ARHGAP28: variants seen among roughly 807,000 people sequenced by gnomAD.
The protein encoded by ARHGAP28 is Rho GTPase activating protein 28.
ARHGAP28 carries 56 observed loss-of-function variants against 90.7 expected under a neutral mutation model. That is an observed-to-expected ratio of 0.62 (90% confidence interval 0.50 to 0.77). The LOEUF is 0.77. ARHGAP28 is among the 30% of genes least tolerant of loss of function. The pLI, the probability that ARHGAP28 is intolerant of heterozygous loss-of-function variation, is 0.00. For missense variants in ARHGAP28, 869 were observed against 900.9 expected (o/e 0.96, Z 0.45); for synonymous variants, 308 against 323.3 (o/e 0.95, Z 0.51).
intron 15 of ARHGAP28, among the ~76,000 whole-genome samples, chr18:6,895,270 C>T (rs952334865): frequency 6.6e-6 from 1 of 150,814 alleles, no homozygotes; most frequent in Non-Finnish European, 1.5e-5. Context: ...GGACTTGGCT[C>T]CCACCCAGAT....
At chr18:6,764,963 T>TAA (rs912978493) in intron 1 of ARHGAP28, among the ~76,000 whole-genome samples, 4 of 152,134 alleles carry the variant, frequency 2.6e-5, no homozygotes, top group Non-Finnish European at 4.4e-5. Context: ...ACAGAGGACT[T>TAA]ACACTGGAAA....
At chr18:6,910,773 G>T (rs1391259630) in intron 17 of ARHGAP28, among the ~76,000 whole-genome samples, 3 of 151,962 alleles carry the variant, frequency 2.0e-5, no homozygotes, top group African/African-American at 7.3e-5. Context: ...ATTAATATGT[G>T]GTAAGTGAAT....
chr18:6,870,866 T>C, intron 7 of ARHGAP28, 134 bp downstream of exon 7: 2 of 906,334 alleles, frequency 2.2e-6, no homozygotes, highest in South Asian at 1.8e-5. Context: ...AGTGGCGCGA[T>C]CTCGGCTCAC....
intron 16 of ARHGAP28, among the ~76,000 whole-genome samples, chr18:6,906,331 A>G (rs1398703476): frequency 6.6e-6 from 1 of 152,224 alleles, no homozygotes; most frequent in Non-Finnish European, 1.5e-5. Context: ...GGACAGTTCA[A>G]TAGCACTAAA....
chr18:6,820,714 C>A (rs1019237269), intron 1 of ARHGAP28, among the ~76,000 whole-genome samples: 1 of 152,172 alleles, frequency 6.6e-6, no homozygotes, highest in Non-Finnish European at 1.5e-5. Context: ...ATAGACTCAA[C>A]AAGACAATGG....
intron 1 of ARHGAP28, among the ~76,000 whole-genome samples, chr18:6,797,766 A>T (rs2056452026): frequency 6.6e-6 from 1 of 151,514 alleles, no homozygotes; most frequent in Admixed American, 6.6e-5. Context: ...GGTTCAAGTG[A>T]TTCTCCTGCT....
chr18:6,817,131 T>C (rs1483434709), intron 1 of ARHGAP28, among the ~76,000 whole-genome samples: 2 of 146,170 alleles, frequency 1.4e-5, no homozygotes, highest in South Asian at 2.2e-4. Context: ...CTGGCCAACA[T>C]GGTGAAACCC....
intron 1 of ARHGAP28, among the ~76,000 whole-genome samples, chr18:6,802,087 T>G (rs1182903983): frequency 6.6e-6 from 1 of 152,186 alleles, no homozygotes; most frequent in African/African-American, 2.4e-5. Context: ...AATGACCAGC[T>G]TTCTTTCTTT....
In ARHGAP28 at chr18:6,805,479, CTTTTTTTTTTTTTTT is replaced by C. The variant is rs756550297; in HGVS notation, c.123-19274_123-19260del. Among the ~76,000 whole-genome samples the C allele has an allele frequency of 9.2e-5, 9 of 97,574 alleles. 1 individual carries two copies. Among genetic ancestry groups the C allele is most frequent in the African/African-American group, 4.0e-4 (9 of 22,752 alleles). The allele number at this position is 97,574 out of a possible 152,430, so 64.0% of individuals were successfully genotyped here. ...TTTAATCTGGTCTGATAACCTTTGC[CTTTTTTTTTTTTTTT>C]TTTTTTTTGAAACGGAATTTCACTC... On this transcript the variant is annotated intron_variant, in intron 1 of 17. Transcript: ENST00000383472.
chr18:6,800,099 C>T (rs1484838974), intron 1 of ARHGAP28, among the ~76,000 whole-genome samples: 1 of 152,058 alleles, frequency 6.6e-6, no homozygotes, highest in Admixed American at 6.6e-5. Flanking sequence ...GGCCAACAAA[C>T]ATGAAAAAAA....
intron 11 of ARHGAP28, among the ~76,000 whole-genome samples, chr18:6,884,024 C>T (rs1168929854): frequency 6.6e-6 from 1 of 152,106 alleles, no homozygotes. Flanking sequence ...TCTTTTCATT[C>T]ATTATAATCA....
Position 6,913,289 on chromosome 18 carries a change from C to A in ARHGAP28, c.*1135C>A, listed in dbSNP as rs547476710. On this transcript the variant is annotated 3_prime_UTR_variant, in exon 18 of 18. Transcript: ENST00000383472. ...CCTGTGATTGCCCAGAACACATAGTCCCCACGTTTCTAATTTGGAGCAAAT... is the reference window on the plus strand; with the variant it reads ...CCTGTGATTGCCCAGAACACATAGTACCCACGTTTCTAATTTGGAGCAAAT... 6.6e-6 allele frequency: 1 copy of A among 152,158 alleles called. No individual in the cohort carries two copies. The highest frequency in any genetic ancestry group is 1.9e-4 in the East Asian group (1 of 5,190). 9.4% of individuals were successfully genotyped at this position (152,158 alleles called of 1,614,324 possible).
intron 1 of ARHGAP28, among the ~76,000 whole-genome samples, chr18:6,768,463 T>G (rs568853975): frequency 1.3e-5 from 2 of 152,276 alleles, no homozygotes; most frequent in South Asian, 4.2e-4. Context: ...GAGAGACTTC[T>G]GGGGTTTTGA....
intron 1 of ARHGAP28, among the ~76,000 whole-genome samples, chr18:6,758,832 G>C (rs961401199): frequency 6.6e-6 from 1 of 152,100 alleles, no homozygotes; most frequent in Non-Finnish European, 1.5e-5. Context: ...TTCAATTAGA[G>C]AAGATCAAAG....
At chr18:6,802,319 G>A (rs2056487787) in intron 1 of ARHGAP28, among the ~76,000 whole-genome samples, 1 of 143,302 alleles carries the variant, frequency 7.0e-6, no homozygotes, top group Non-Finnish European at 1.5e-5. Flanking sequence ...TGGATCATAT[G>A]GATCATATGG....
At chr18:6,803,865 G>A (rs999084632) in intron 1 of ARHGAP28, among the ~76,000 whole-genome samples, 8 of 151,898 alleles carry the variant, frequency 5.3e-5, no homozygotes, top group South Asian at 2.1e-4. Context: ...CGCAAGCCCC[G>A]CCTCCCGGGT....
chr18:6,800,454 C>A (rs2056473580), intron 1 of ARHGAP28, among the ~76,000 whole-genome samples: 1 of 152,106 alleles, frequency 6.6e-6, no homozygotes, highest in African/African-American at 2.4e-5. Context: ...GACTTGGAAC[C>A]AACCCAAATG....
chr18:6,849,985 A>G (rs2056897178), intron 3 of ARHGAP28, among the ~76,000 whole-genome samples: 1 of 151,924 alleles, frequency 6.6e-6, no homozygotes. Context: ...CATATCTTAA[A>G]TTGTCACTTA....
chr18:6,899,834 T>C (rs1291675970), intron 16 of ARHGAP28, among the ~76,000 whole-genome samples: 1 of 151,934 alleles, frequency 6.6e-6, no homozygotes, highest in East Asian at 1.9e-4. Flanking sequence ...AAAGCAGAGG[T>C]TCCCTGGTGC....
Sources: allele counts gnomAD v4.1 joint callset (sites outside exome capture counted in the v4.1 genomes callset), GRCh38; gene constraint gnomAD v4.1.1; transcripts MANE v1.5; gene names NCBI Gene and HGNC (gene_info 2026-07-23, HGNC 2026-07-21).